Variants in NIPSNAP2 observed in about 807,000 individuals in gnomAD.
The protein encoded by NIPSNAP2 is nipsnap homolog 2.
Under a neutral mutation model 48.4 loss-of-function variants are expected in NIPSNAP2, and 42 were observed. The ratio of observed to expected loss-of-function variants is 0.87; its 90% confidence interval spans 0.68 to 1.12. The LOEUF is 1.12. NIPSNAP2 is among the 50% of genes most tolerant of loss of function. The pLI is 0.00. For missense variants in NIPSNAP2, 314 were observed against 347.3 expected (o/e 0.90, Z 0.76); for synonymous variants, 158 against 126.6 (o/e 1.25, Z -1.67).
At chr7:55,969,097 C>T (rs550259103) in intron 1 of NIPSNAP2, among the ~76,000 whole-genome samples, 1 of 151,936 alleles carries the variant, frequency 6.6e-6, no homozygotes, top group African/African-American at 2.4e-5. Flanking sequence ...TAGAGAAAAA[C>T]TTTTAATGGT....
At chr7:55,986,528 G>C (rs542233655) in intron 7 of NIPSNAP2, among the ~76,000 whole-genome samples, 1 of 151,906 alleles carries the variant, frequency 6.6e-6, no homozygotes, top group African/African-American at 2.4e-5. Flanking sequence ...CACGTATGGC[G>C]GTGTGCACCT....
chr7:55,967,893 T>A (rs1322647595), intron 1 of NIPSNAP2, among the ~76,000 whole-genome samples: 1 of 151,924 alleles, frequency 6.6e-6, no homozygotes, highest in Non-Finnish European at 1.5e-5. Flanking sequence ...CAAGTGATCC[T>A]CCCACCACGG....
At chr7:55,991,215 C>A (rs1420721284) in intron 7 of NIPSNAP2, among the ~76,000 whole-genome samples, 1 of 152,136 alleles carries the variant, frequency 6.6e-6, no homozygotes, top group Non-Finnish European at 1.5e-5. Flanking sequence ...CTCCTTAGAT[C>A]ATCAAAGGCT....
chr7:55,964,946 C>G (rs959384196), intron 1 of NIPSNAP2: 1 of 190,104 alleles, frequency 5.3e-6, no homozygotes, highest in Non-Finnish European at 1.1e-5. Flanking sequence ...GGAAGGCCCC[C>G]GAGGCTTGGC....
rs767955308 is a variant in NIPSNAP2, at chr7:55,997,466, C to T, written c.796+17C>T. 18 of 1,572,592 alleles carry T rather than the reference C, an allele frequency of 1.1e-5. No homozygotes were observed. Among genetic ancestry groups the T allele is most frequent in the African/African-American group, 1.3e-5 (1 of 74,088 alleles). The stretch of plus-strand genomic sequence containing the variant: ...ATTACACAGGTAATCTCTTAACAGC[C>T]ATGAAATATGCTTTTTGTCTTACTG... On this transcript the variant is annotated intron_variant, in intron 9 of 9. Transcript: ENST00000322090.
chr7:55,978,188 G>A lies in NIPSNAP2; in HGVS notation c.155G>A (p.Arg52Gln), dbSNP rs373295179. The A allele has an allele frequency of 1.1e-5, 17 of 1,614,094 alleles. No individual in the cohort carries two copies. Among genetic ancestry groups the A allele is most frequent in the Middle Eastern group, 1.6e-4 (1 of 6,062 alleles). The change falls in exon 2 of 10, where the codon CGG becomes CAG. Residue 52 changes from arginine (R) to glutamine (Q), a missense_variant. By Grantham distance (43) the Arg-to-Gln change is conservative. Coordinates refer to ENST00000322090, the MANE Select transcript of NIPSNAP2 (RefSeq NM_001483.3). The part of the protein sequence containing the change: ...EDSWLKSLFV[R>Q]KVDPRKDAHS... ...AGCTGGCTAAAATCCTTATTTGTCC[G>A]GAAAGTTGATCCAAGAAAAGATGCC...
chr7:55,976,039 AGTGTGTGTGTGTGT>A (rs60119988), intron 1 of NIPSNAP2, among the ~76,000 whole-genome samples: 2 of 150,314 alleles, frequency 1.3e-5, no homozygotes, highest in Non-Finnish European at 3.0e-5. Context: ...CTCTCAAAAA[AGTGTGTGTGTGTGT>A]GTGTGTGTGT....
At chr7:55,992,193 T>C (rs1787469854) in intron 7 of NIPSNAP2, among the ~76,000 whole-genome samples, 1 of 152,108 alleles carries the variant, frequency 6.6e-6, no homozygotes, top group African/African-American at 2.4e-5. Flanking sequence ...GTTCCCATCA[T>C]GGCACTGAGC....
intron 9 of NIPSNAP2, 99 bp downstream of exon 9, chr7:55,997,548 G>A: frequency 1.1e-6 from 1 of 891,354 alleles, no homozygotes; most frequent in Non-Finnish European, 1.8e-6. Flanking sequence ...ATAGTATGTT[G>A]CTAGGATAGT....
intron 7 of NIPSNAP2, among the ~76,000 whole-genome samples, chr7:55,991,592 A>T (rs1034140613): frequency 9.2e-5 from 14 of 151,778 alleles, no homozygotes; most frequent in Admixed American, 5.9e-4. Flanking sequence ...ACTAAAAATA[A>T]CAAAAATTAG....
At chr7:55,978,298 CT>C (rs751224461) in intron 2 of NIPSNAP2, 33 bp downstream of exon 2, 18 of 1,612,800 alleles carry the variant, frequency 1.1e-5, no homozygotes, top group African/African-American at 9.4e-5. Flanking sequence ...TCATAGTTGA[CT>C]TTTTTTCCCC....
rs111391994 is a variant in NIPSNAP2, at chr7:55,989,383, G to A, written c.617+4505G>A. Among the ~76,000 whole-genome samples, 57 of 152,246 alleles carry A rather than the reference G, an allele frequency of 3.7e-4. No homozygotes were observed. The East Asian group carries it at 8.3e-3, about 22-fold the overall frequency. ...CTCACACCTCTAATTCCAACACTTC[G>A]GGCGGCTGAGGTGGGAGGATCCCTT... On this transcript the variant is annotated intron_variant, in intron 7 of 9. Coordinates refer to ENST00000322090, the MANE Select transcript of NIPSNAP2 (RefSeq NM_001483.3).
intron 1 of NIPSNAP2, among the ~76,000 whole-genome samples, chr7:55,970,043 C>CTG (rs1402107410): frequency 1.3e-5 from 2 of 151,888 alleles, no homozygotes; most frequent in East Asian, 3.9e-4. Context: ...GCTGCCTCAT[C>CTG]CTGTGGTCTC....
rs1787647368 is a variant in NIPSNAP2, at chr7:56,000,121, A to C, written c.*1049A>C. The C allele has an allele frequency of 6.6e-6, 1 of 152,660 alleles. No individual in the cohort carries two copies. Among genetic ancestry groups the C allele is most frequent in the Admixed American group, 6.5e-5 (1 of 15,278 alleles). 9.5% of individuals were successfully genotyped at this position (152,660 alleles called of 1,614,324 possible). A position where few individuals can be genotyped will look rare whatever the true frequency, so the allele number is the denominator to read the frequency against. ...CTCATATCAAATGTCAAACTTTTAC[A>C]TGTGAATGATTTTCTCAAAGAACAT... On this transcript the variant is annotated 3_prime_UTR_variant, in exon 10 of 10. Coordinates refer to ENST00000322090, the MANE Select transcript of NIPSNAP2 (RefSeq NM_001483.3).
intron 7 of NIPSNAP2, among the ~76,000 whole-genome samples, chr7:55,994,208 G>A (rs929069430): frequency 4.3e-4 from 66 of 152,248 alleles, no homozygotes; most frequent in African/African-American, 1.5e-3. Flanking sequence ...GGTTTGCCTC[G>A]CTTCCCCTCT....
intron 3 of NIPSNAP2, chr7:55,979,892 G>GC: frequency 2.2e-6 from 1 of 456,270 alleles, no homozygotes; most frequent in Non-Finnish European, 4.4e-6. Context: ...TTCAGGTAAG[G>GC]CCAGGGCTCC....
At chr7:55,986,664 A>G (rs981768281) in intron 7 of NIPSNAP2, among the ~76,000 whole-genome samples, 1 of 152,036 alleles carries the variant, frequency 6.6e-6, no homozygotes, top group African/African-American at 2.4e-5. Flanking sequence ...TTCAAAACAA[A>G]ACAAAAAATT....
chr7:55,983,081 C>A (rs1373226747), intron 5 of NIPSNAP2, among the ~76,000 whole-genome samples: 1 of 152,150 alleles, frequency 6.6e-6, no homozygotes, highest in East Asian at 1.9e-4. Context: ...CGAGACTACA[C>A]CGCTGCACTA....
intron 9 of NIPSNAP2, 50 bp from the exon 10 acceptor site, chr7:55,998,958 A>C: frequency 6.9e-7 from 1 of 1,438,918 alleles, no homozygotes; most frequent in Non-Finnish European, 9.8e-7. Flanking sequence ...GTCATTTACC[A>C]TAATGTGTTT....
Sources: gnomAD v4.1 joint callset for allele counts (sites outside exome capture counted in the v4.1 genomes callset) on GRCh38, gnomAD v4.1.1 for gene constraint, MANE v1.5 for transcripts, NCBI Gene and HGNC (gene_info 2026-07-23, HGNC 2026-07-21) for gene names.